VWA3B: variants seen among roughly 807,000 people sequenced by gnomAD.
The protein encoded by VWA3B is von Willebrand factor A domain containing 3B.
VWA3B carries 138 observed loss-of-function variants against 158.3 expected under a neutral mutation model. The observed-to-expected ratio is 0.87, with a 90% confidence interval of 0.76 to 1.00. The LOEUF (loss-of-function observed/expected upper bound fraction) is 1.00. VWA3B is among the 50% of genes least tolerant of loss of function. The pLI is 0.00. For synonymous variants in VWA3B, 596 were observed against 587.3 expected (o/e 1.01, Z -0.21); for missense variants, 1,555 against 1,565.1 (o/e 0.99, Z 0.11).
chr2:98,162,854 C>A lies in VWA3B; in HGVS notation c.992C>A (p.Ala331Asp), dbSNP rs1218918617. 2 of 1,613,510 alleles carry A rather than the reference C, an allele frequency of 1.2e-6. No individual in the cohort carries two copies. Among genetic ancestry groups the A allele is most frequent in the African/African-American group, 1.3e-5 (1 of 75,028 alleles). The stretch of plus-strand genomic sequence containing the variant: ...CATGCTGTGTCTCCCCTTTTAGGAG[C>A]TGGAGTCAGAGAGGACGTGTTTCTC... The part of the protein sequence containing the change: ...RKLKGKLPPG[A>D]GVREDVFLVW... The change falls in exon 8 of 28, where the codon GCT becomes GAT. Residue 331 changes from alanine (A) to aspartate (D), a missense_variant. Physicochemically the swap from Ala to Asp is moderately radical, Grantham distance 126. Coordinates refer to ENST00000477737, the MANE Select transcript of VWA3B (RefSeq NM_144992.5).
chr2:98,199,016 G>A (rs1326164501), intron 12 of VWA3B, among the ~76,000 whole-genome samples: 1 of 152,022 alleles, frequency 6.6e-6, no homozygotes, highest in Non-Finnish European at 1.5e-5. Flanking sequence ...GAATCCAGGA[G>A]GCAGAGCTTC....
At chr2:98,193,969 C>A (rs1435110344) in intron 11 of VWA3B, among the ~76,000 whole-genome samples, 1 of 152,094 alleles carries the variant, frequency 6.6e-6, no homozygotes, top group Non-Finnish European at 1.5e-5. Context: ...AATGGCTTTA[C>A]CTAAAAGAGA....
intron 12 of VWA3B, among the ~76,000 whole-genome samples, chr2:98,199,547 T>A (rs10187244): frequency 0.79 from 120,918 of 152,132 alleles, 48,261 homozygotes; most frequent in East Asian, 0.97. Context: ...ACCAGGCGAC[T>A]CTTGCTCATG....
intron 8 of VWA3B, among the ~76,000 whole-genome samples, chr2:98,168,376 TACAC>T (rs148619678): frequency 0.016 from 2,356 of 145,594 alleles, 57 homozygotes; most frequent in African/African-American, 0.055. Context: ...TACACACACA[TACAC>T]ACACACACAC....
intron 21 of VWA3B, among the ~76,000 whole-genome samples, chr2:98,264,413 T>G (rs919817294): frequency 8.5e-5 from 13 of 152,142 alleles, no homozygotes; most frequent in African/African-American, 2.9e-4. Context: ...TTCGATATGT[T>G]GTATTTTTCC....
chr2:98,088,942 C>T (rs1209828979), intron 1 of VWA3B, among the ~76,000 whole-genome samples: 16 of 151,832 alleles, frequency 1.1e-4, no homozygotes, highest in African/African-American at 3.4e-4. Context: ...TTAGTAGAGA[C>T]GAGGTTTCAC....
At chr2:98,241,131 T>G (rs1190497051) in intron 19 of VWA3B, among the ~76,000 whole-genome samples, 1 of 152,048 alleles carries the variant, frequency 6.6e-6, no homozygotes, top group Non-Finnish European at 1.5e-5. Flanking sequence ...AAGGCTTGCC[T>G]TAGCTAGTGG....
intron 7 of VWA3B, among the ~76,000 whole-genome samples, chr2:98,144,325 T>C (rs928525862): frequency 6.6e-6 from 1 of 152,102 alleles, no homozygotes; most frequent in Non-Finnish European, 1.5e-5. Flanking sequence ...TATCACTAGG[T>C]AAACAACTTA....
chr2:98,160,237 G>A (rs1379892425), intron 7 of VWA3B, among the ~76,000 whole-genome samples: 3 of 152,144 alleles, frequency 2.0e-5, no homozygotes, highest in Non-Finnish European at 4.4e-5. Flanking sequence ...CTTCCTTACT[G>A]TGTGAGGAAT....
chr2:98,294,336 G>C (rs934564309), intron 23 of VWA3B, among the ~76,000 whole-genome samples: 4 of 151,504 alleles, frequency 2.6e-5, no homozygotes, highest in African/African-American at 7.3e-5. Flanking sequence ...AAAAAAAACA[G>C]CTCACTTAAA....
intron 22 of VWA3B, among the ~76,000 whole-genome samples, chr2:98,279,722 A>T (rs112048680): frequency 5.9e-5 from 9 of 152,186 alleles, no homozygotes; most frequent in Non-Finnish European, 1.3e-4. Context: ...AGCCCTAGAG[A>T]GAAAGAGCAG....
intron 14 of VWA3B, among the ~76,000 whole-genome samples, chr2:98,226,314 C>T (rs1054692906): frequency 6.6e-6 from 1 of 152,160 alleles, no homozygotes; most frequent in African/African-American, 2.4e-5. Flanking sequence ...CAAAAGCAAT[C>T]CAGCGGAGGA....
At chr2:98,088,688 T>C (rs1363637301) in intron 1 of VWA3B, among the ~76,000 whole-genome samples, 1 of 152,176 alleles carries the variant, frequency 6.6e-6, no homozygotes, top group Non-Finnish European at 1.5e-5. Context: ...TAACCTCAGC[T>C]GAGGAAACTC....
chr2:98,097,064 C>T (rs1573747141), intron 2 of VWA3B, among the ~76,000 whole-genome samples: 1 of 151,950 alleles, frequency 6.6e-6, no homozygotes, highest in Non-Finnish European at 1.5e-5. Context: ...TTTCCATTTT[C>T]ATTTGTCTCA....
At chr2:98,273,530 C>T (rs1453373580) in intron 22 of VWA3B, among the ~76,000 whole-genome samples, 1 of 152,208 alleles carries the variant, frequency 6.6e-6, no homozygotes, top group Non-Finnish European at 1.5e-5. Flanking sequence ...GCCCTGTGGG[C>T]ACCTAAGACT....
intron 13 of VWA3B, among the ~76,000 whole-genome samples, chr2:98,213,156 G>A (rs1683684323): frequency 6.6e-6 from 1 of 152,220 alleles, no homozygotes; most frequent in African/African-American, 2.4e-5. Context: ...GTCCTGGGCA[G>A]AAGGGACACA....
At chr2:98,312,129 T>G in intron 27 of VWA3B, 71 bp from the exon 28 acceptor site, 1 of 1,613,918 alleles carries the variant, frequency 6.2e-7, no homozygotes, top group Non-Finnish European at 8.5e-7. Context: ...CTTCAGATTC[T>G]GGGCCTGTTT....
At chr2:98,115,872 T>C in intron 3 of VWA3B, 126 bp downstream of exon 3, 1 of 698,336 alleles carries the variant, frequency 1.4e-6, no homozygotes. Flanking sequence ...CTTATTAGGC[T>C]GGGGGTTTTC....
At chr2:98,299,683 TAAAC>T (rs1690055526) in intron 24 of VWA3B, among the ~76,000 whole-genome samples, 1 of 152,224 alleles carries the variant, frequency 6.6e-6, no homozygotes, top group Non-Finnish European at 1.5e-5. Flanking sequence ...GGAGCAACAA[TAAAC>T]AAACCTCTCC....
Sources: gnomAD v4.1 joint callset for allele counts (sites outside exome capture counted in the v4.1 genomes callset) on GRCh38, gnomAD v4.1.1 for gene constraint, MANE v1.5 for transcripts, NCBI Gene and HGNC (gene_info 2026-07-23, HGNC 2026-07-21) for gene names.